ARHGAP15: variants seen among roughly 807,000 people sequenced by gnomAD.
ARHGAP15 encodes rho GTPase-activating protein 15.
ARHGAP15 carries 51 observed loss-of-function variants against 63.7 expected under a neutral mutation model. The ratio of observed to expected loss-of-function variants is 0.80; its 90% CI spans 0.64 to 1.01. The LOEUF (loss-of-function observed/expected upper bound fraction) is 1.01. Among genes scored for constraint, ARHGAP15 ranks in the 50% least tolerant of loss-of-function variants. The probability of loss-of-function intolerance (pLI) is 0.00; values close to 1 mark genes in which losing one functional copy is unlikely to be tolerated. For missense variants in ARHGAP15, 560 were observed against 564.6 expected (o/e 0.99, Z 0.08); for synonymous variants, 191 against 193.8 (o/e 0.99, Z 0.12).
At chr2:143,712,921 C>CACTG (rs921832158) in intron 13 of ARHGAP15, among the ~76,000 whole-genome samples, 2 of 152,126 alleles carry the variant, frequency 1.3e-5, no homozygotes, top group African/African-American at 4.8e-5. Context: ...GCTCTTAGAG[C>CACTG]ACTGGCTCCA....
At chr2:143,173,015 G>A in intron 2 of ARHGAP15, among the ~76,000 whole-genome samples, 1 of 152,046 alleles carries the variant, frequency 6.6e-6, no homozygotes, top group Admixed American at 6.6e-5. Context: ...ACCAGACGAT[G>A]TCAGTTGACA....
At chr2:143,315,145 C>A (rs1310571268) in intron 6 of ARHGAP15, among the ~76,000 whole-genome samples, 2 of 152,114 alleles carry the variant, frequency 1.3e-5, no homozygotes, top group Non-Finnish European at 2.9e-5. Flanking sequence ...TAATACTTTT[C>A]TAAGCAAGTA....
chr2:143,477,895 A>C (rs930279039), intron 8 of ARHGAP15, among the ~76,000 whole-genome samples: 3 of 152,218 alleles, frequency 2.0e-5, no homozygotes, highest in African/African-American at 7.2e-5. Context: ...GAAGAATGGG[A>C]TTTCCCAGTT....
chr2:143,767,868 TTAAA>T (rs1209848252), intron 13 of ARHGAP15, 117 bp from the exon 14 acceptor site: 1 of 937,144 alleles, frequency 1.1e-6, no homozygotes, highest in African/African-American at 1.6e-5. Context: ...GGGTAGAAGA[TTAAA>T]TAATGTTATA....
intron 13 of ARHGAP15, among the ~76,000 whole-genome samples, chr2:143,720,636 C>T (rs1045037491): frequency 6.6e-6 from 1 of 152,094 alleles, no homozygotes; most frequent in Non-Finnish European, 1.5e-5. Flanking sequence ...AAGTGGTGGA[C>T]AATAGGAACT....
At chr2:143,444,815 A>T (rs1265305869) in intron 8 of ARHGAP15, among the ~76,000 whole-genome samples, 2 of 152,282 alleles carry the variant, frequency 1.3e-5, no homozygotes, top group Non-Finnish European at 2.9e-5. Context: ...TGAACCCAGA[A>T]ATACCAGATG....
At chr2:143,256,429 T>A (rs989324545) in intron 6 of ARHGAP15, among the ~76,000 whole-genome samples, 1 of 152,138 alleles carries the variant, frequency 6.6e-6, no homozygotes, top group African/African-American at 2.4e-5. Flanking sequence ...AGATCCTTAA[T>A]CTTATTTTTA....
intron 6 of ARHGAP15, among the ~76,000 whole-genome samples, chr2:143,383,816 T>TA (rs1687156555): frequency 6.6e-6 from 1 of 152,194 alleles, no homozygotes. Flanking sequence ...TAAAAGGTGT[T>TA]ACGCAGTGAA....
At chr2:143,539,571 T>A (rs1694947814) in intron 10 of ARHGAP15, among the ~76,000 whole-genome samples, 1 of 152,226 alleles carries the variant, frequency 6.6e-6, no homozygotes, top group African/African-American at 2.4e-5. Flanking sequence ...GAGATTCTGG[T>A]ATGTTGTGTC....
intron 11 of ARHGAP15, among the ~76,000 whole-genome samples, chr2:143,619,205 C>A (rs1698562269): frequency 6.6e-6 from 1 of 152,090 alleles, no homozygotes; most frequent in Admixed American, 6.5e-5. Flanking sequence ...TCTTTCAGTT[C>A]TTTTTAAGAA....
chr2:143,129,708 C>T (rs980477687), intron 1 of ARHGAP15, among the ~76,000 whole-genome samples: 1 of 152,028 alleles, frequency 6.6e-6, no homozygotes, highest in Admixed American at 6.5e-5. Context: ...AGATTTTGTA[C>T]TAAAATGTTA....
intron 8 of ARHGAP15, among the ~76,000 whole-genome samples, chr2:143,468,915 T>TA (rs1691381778): frequency 6.6e-6 from 1 of 152,324 alleles, no homozygotes; most frequent in South Asian, 2.1e-4. Context: ...TCTGTCTCTC[T>TA]AACTTCTCTG....
At chr2:143,667,450 T>G (rs1682270986) in intron 12 of ARHGAP15, among the ~76,000 whole-genome samples, 1 of 141,182 alleles carries the variant, frequency 7.1e-6, no homozygotes, top group African/African-American at 2.6e-5. Flanking sequence ...GAGATAGCAT[T>G]GGGAGATATA....
At chr2:143,215,260 A>G (rs921772843) in intron 3 of ARHGAP15, among the ~76,000 whole-genome samples, 2 of 150,546 alleles carry the variant, frequency 1.3e-5, no homozygotes, top group Non-Finnish European at 3.0e-5. Context: ...AGACGTGCAC[A>G]TTAAAATTTG....
At chr2:143,387,132 A>G (rs914647685) in intron 6 of ARHGAP15, among the ~76,000 whole-genome samples, 1 of 152,146 alleles carries the variant, frequency 6.6e-6, no homozygotes, top group Non-Finnish European at 1.5e-5. Context: ...AAACTTGCAC[A>G]TGCACCCCTG....
intron 11 of ARHGAP15, among the ~76,000 whole-genome samples, chr2:143,603,141 G>T (rs1412384197): frequency 6.6e-6 from 1 of 152,164 alleles, no homozygotes; most frequent in African/African-American, 2.4e-5. Flanking sequence ...TCACGTGGAT[G>T]TAAATAGAGT....
chr2:143,664,486 C>G (rs1435129452), intron 12 of ARHGAP15, among the ~76,000 whole-genome samples: 1 of 151,676 alleles, frequency 6.6e-6, no homozygotes, highest in Non-Finnish European at 1.5e-5. Context: ...AAATTGGCAC[C>G]CTAACATCAC....
At position 143,611,575 on chromosome 2, in the gene ARHGAP15, AGTT is replaced by A. The variant is rs1297255525; in HGVS notation, c.1004-12551_1004-12549del. Among the ~76,000 whole-genome samples the A allele has an allele frequency of 9.2e-5, 14 of 152,290 alleles. No individual in the cohort carries two copies. The South Asian group carries it at 1.0e-3, about 11-fold the overall frequency. Reference sequence around the variant, plus strand: ...ATGGTCTTGTCGTCTTTGTTGTTACAGTTGTTGTTATTATTACTCAACTTTCAC... The same window carrying A: ...ATGGTCTTGTCGTCTTTGTTGTTACAGTTGTTATTATTACTCAACTTTCAC... On this transcript the variant is annotated intron_variant, in intron 11 of 13. Transcript: ENST00000295095.
At chr2:143,367,108 T>G (rs1686327845) in intron 6 of ARHGAP15, among the ~76,000 whole-genome samples, 1 of 152,092 alleles carries the variant, frequency 6.6e-6, no homozygotes, top group Admixed American at 6.6e-5. Flanking sequence ...CTTCTTCAAT[T>G]GATTAGACAT....
Sources: gnomAD v4.1 joint callset for allele counts (sites outside exome capture counted in the v4.1 genomes callset) on GRCh38, gnomAD v4.1.1 for gene constraint, MANE v1.5 for transcripts, NCBI Gene and HGNC (gene_info 2026-07-23, HGNC 2026-07-21) for gene names.